Variants in SORCS1 observed in about 807,000 individuals in gnomAD.
The protein encoded by SORCS1 is VPS10 domain-containing receptor SorCS1.
In SORCS1, 60 loss-of-function variants were observed where a neutral mutation model predicts 146.1. That is an observed-to-expected ratio of 0.41 (90% confidence interval 0.33 to 0.51). The LOEUF (loss-of-function observed/expected upper bound fraction) is 0.51. Ranked by LOEUF, SORCS1 falls within the 20% of genes least tolerant of loss-of-function variation. The pLI is 0.21. For missense variants in SORCS1, 1,352 were observed against 1,487.6 expected (o/e 0.91, Z 1.50); for synonymous variants, 637 against 584.0 (o/e 1.09, Z -1.31).
At chr10:107,160,057 G>A (rs1421860744) in intron 1 of SORCS1, among the ~76,000 whole-genome samples, 2 of 152,170 alleles carry the variant, frequency 1.3e-5, no homozygotes, top group African/African-American at 2.4e-5. Flanking sequence ...GTGGATGAGA[G>A]AACAACCAAA....
chr10:106,856,621 A>T (rs2137362221), intron 2 of SORCS1, among the ~76,000 whole-genome samples: 1 of 152,316 alleles, frequency 6.6e-6, no homozygotes, highest in East Asian at 1.9e-4. Flanking sequence ...TGCTGGAAGT[A>T]CGAAGGTAAG....
At chr10:106,730,823 G>A (rs1856541557) in intron 5 of SORCS1, among the ~76,000 whole-genome samples, 3 of 152,032 alleles carry the variant, frequency 2.0e-5, no homozygotes, top group Admixed American at 2.0e-4. Flanking sequence ...TTTATCTCTA[G>A]GATTTTTATA....
intron 2 of SORCS1, among the ~76,000 whole-genome samples, chr10:106,889,847 T>A (rs567076271): frequency 2.2e-5 from 3 of 139,288 alleles, no homozygotes; most frequent in Non-Finnish European, 4.5e-5. Flanking sequence ...ATCGCGCCAC[T>A]GTACTCCAGC....
chr10:107,111,378 A>C (rs940119994), intron 1 of SORCS1, among the ~76,000 whole-genome samples: 2 of 152,214 alleles, frequency 1.3e-5, no homozygotes, highest in Non-Finnish European at 2.9e-5. Context: ...AACCATAATA[A>C]AGAATCAAAC....
At chr10:106,816,436 C>T (rs570678790) in intron 3 of SORCS1, among the ~76,000 whole-genome samples, 2 of 152,256 alleles carry the variant, frequency 1.3e-5, no homozygotes, top group South Asian at 2.1e-4. Context: ...GCCTGATGTC[C>T]CACATGCTGG....
Position 106,801,781 on chromosome 10 carries a change from T to C in SORCS1, c.727-25089A>G, listed in dbSNP as rs568951295. Among the ~76,000 whole-genome samples, 7 of 152,186 alleles carry C rather than the reference T, an allele frequency of 4.6e-5. No homozygotes were observed. In the East Asian group the frequency reaches 5.8e-4, roughly 13 times the overall value. On this transcript the variant is annotated intron_variant, in intron 3 of 25. Transcript: ENST00000263054. ...TCCTGACCTTGTGATCTGCCCTCCT[T>C]GGCCTCCCAAAGTGCTGGGATTACA...
chr10:106,935,505 TA>T (rs1323548680), intron 2 of SORCS1, among the ~76,000 whole-genome samples: 1 of 152,050 alleles, frequency 6.6e-6, no homozygotes, highest in Non-Finnish European at 1.5e-5. Context: ...ATACATTTTT[TA>T]AAAAAAATTC....
At chr10:106,926,828 T>TACAC (rs869163147) in intron 2 of SORCS1, among the ~76,000 whole-genome samples, 1 of 29,584 alleles carries the variant, frequency 3.4e-5, no homozygotes, top group African/African-American at 5.5e-5. Context: ...GGAATATATA[T>TACAC]ACACACACAC....
intron 5 of SORCS1, among the ~76,000 whole-genome samples, chr10:106,738,162 T>C (rs561427878): frequency 2.0e-5 from 3 of 152,328 alleles, no homozygotes; most frequent in African/African-American, 7.2e-5. Flanking sequence ...TAGTCACTTT[T>C]GGTAGAGTTT....
chr10:106,903,603 G>A (rs1951803968), intron 2 of SORCS1, among the ~76,000 whole-genome samples: 2 of 152,098 alleles, frequency 1.3e-5, no homozygotes, highest in South Asian at 4.2e-4. Flanking sequence ...GACTCAGCAG[G>A]ACTTTTTCAG....
chr10:107,118,492 CT>C (rs932386684), intron 1 of SORCS1, among the ~76,000 whole-genome samples: 1 of 152,118 alleles, frequency 6.6e-6, no homozygotes, highest in Non-Finnish European at 1.5e-5. Flanking sequence ...TATCCTTGGG[CT>C]TTATTTTTTT....
chr10:106,691,656 C>T (rs1476384164), intron 9 of SORCS1, among the ~76,000 whole-genome samples: 1 of 152,138 alleles, frequency 6.6e-6, no homozygotes, highest in Non-Finnish European at 1.5e-5. Flanking sequence ...AAGGCCACCC[C>T]CAACTCCCTG....
intron 6 of SORCS1, among the ~76,000 whole-genome samples, chr10:106,725,729 G>C (rs547936423): frequency 6.6e-6 from 1 of 151,718 alleles, no homozygotes; most frequent in East Asian, 1.9e-4. Flanking sequence ...TCAGGAGTTC[G>C]AGAGCAGCCT....
chr10:107,151,178 C>G (rs547689031), intron 1 of SORCS1, among the ~76,000 whole-genome samples: 2 of 152,158 alleles, frequency 1.3e-5, no homozygotes, highest in African/African-American at 4.8e-5. Flanking sequence ...TTTGGAGCTT[C>G]CTAGAGAATT....
At chr10:107,119,153 AG>A (rs1276677450) in intron 1 of SORCS1, among the ~76,000 whole-genome samples, 1 of 152,230 alleles carries the variant, frequency 6.6e-6, no homozygotes, top group African/African-American at 2.4e-5. Flanking sequence ...AGGAAGTGAA[AG>A]GAAAAGGCAA....
At chr10:107,094,439 C>T (rs937845626) in intron 1 of SORCS1, among the ~76,000 whole-genome samples, 1 of 152,080 alleles carries the variant, frequency 6.6e-6, no homozygotes, top group African/African-American at 2.4e-5. Context: ...CAATATTTTT[C>T]CTTAAGCACT....
At chr10:106,990,682 AG>A (rs1956729391) in intron 1 of SORCS1, among the ~76,000 whole-genome samples, 1 of 152,202 alleles carries the variant, frequency 6.6e-6, no homozygotes, top group Non-Finnish European at 1.5e-5. Flanking sequence ...ACAGGACTTA[AG>A]GAGATCGGAG....
chr10:107,013,021 T>C (rs1311602915), intron 1 of SORCS1, among the ~76,000 whole-genome samples: 2 of 152,166 alleles, frequency 1.3e-5, no homozygotes, highest in African/African-American at 4.8e-5. Flanking sequence ...ATGTGTCCAA[T>C]TTTCTCCCTT....
intron 6 of SORCS1, among the ~76,000 whole-genome samples, chr10:106,718,726 G>T (rs1380468448): frequency 2.0e-5 from 3 of 152,176 alleles, no homozygotes; most frequent in Non-Finnish European, 4.4e-5. Flanking sequence ...AGTGCTGATT[G>T]GTCCGTTTTT....
Sources: gnomAD v4.1 joint callset for allele counts (sites outside exome capture counted in the v4.1 genomes callset) on GRCh38, gnomAD v4.1.1 for gene constraint, MANE v1.5 for transcripts, NCBI Gene and HGNC (gene_info 2026-07-23, HGNC 2026-07-21) for gene names.